Variants in CSMD1 observed in about 807,000 individuals in gnomAD.
CSMD1 encodes CUB and sushi domain-containing protein 1.
A neutral mutation model predicts 417.5 loss-of-function variants in CSMD1; 213 were observed. The observed-to-expected ratio is 0.51, with a 90% CI of 0.46 to 0.57. The LOEUF (loss-of-function observed/expected upper bound fraction) is 0.57, where lower values mean the gene tolerates loss of function less well. Ranked by LOEUF, CSMD1 falls within the 20% of genes least tolerant of loss-of-function variation. The pLI is 0.00. For synonymous variants in CSMD1, 2,862 were observed against 1,736.8 expected (o/e 1.65, Z -16.11); for missense variants, 6,923 against 4,529.7 (o/e 1.53, Z -15.17).
At chr8:4,293,041 G>C (rs1222683661) in intron 3 of CSMD1, among the ~76,000 whole-genome samples, 2 of 152,158 alleles carry the variant, frequency 1.3e-5, no homozygotes, top group African/African-American at 2.4e-5. Flanking sequence ...GGCTTGAGAA[G>C]GGGCTATTCC....
intron 26 of CSMD1, among the ~76,000 whole-genome samples, chr8:3,280,767 C>T (rs1035840378): frequency 8.5e-6 from 1 of 117,992 alleles, no homozygotes; most frequent in African/African-American, 3.3e-5. Context: ...TGTCTTCATG[C>T]TTATTTCTTA....
At chr8:4,294,053 G>C (rs1321703796) in intron 3 of CSMD1, among the ~76,000 whole-genome samples, 2 of 152,164 alleles carry the variant, frequency 1.3e-5, no homozygotes, top group Non-Finnish European at 2.9e-5. Flanking sequence ...TGGTTCTCAA[G>C]TGACTATTGC....
chr8:4,794,037 T>G (rs1036646817), intron 1 of CSMD1, among the ~76,000 whole-genome samples: 4 of 152,180 alleles, frequency 2.6e-5, no homozygotes, highest in Non-Finnish European at 4.4e-5. Flanking sequence ...ACTATCTTAG[T>G]GCTCTTGAAA....
intron 7 of CSMD1, among the ~76,000 whole-genome samples, chr8:3,690,701 C>A (rs752833834): frequency 6.6e-6 from 1 of 152,030 alleles, no homozygotes; most frequent in Non-Finnish European, 1.5e-5. Context: ...GTACATAAAG[C>A]GCATAGCTGA....
At chr8:3,655,439 A>G (rs1402893889) in intron 7 of CSMD1, among the ~76,000 whole-genome samples, 1 of 152,208 alleles carries the variant, frequency 6.6e-6, no homozygotes, top group Non-Finnish European at 1.5e-5. Flanking sequence ...TTTATAGCAT[A>G]TTTCATTACT....
chr8:3,710,789 G>C (rs953225518), intron 6 of CSMD1, among the ~76,000 whole-genome samples: 18 of 152,130 alleles, frequency 1.2e-4, no homozygotes, highest in African/African-American at 3.6e-4. Context: ...CTCATATCAG[G>C]AAGCAAGGCT....
intron 5 of CSMD1, among the ~76,000 whole-genome samples, chr8:3,818,297 G>C (rs940744739): frequency 1.3e-5 from 2 of 152,112 alleles, no homozygotes; most frequent in African/African-American, 4.8e-5. Context: ...GGGTGTAGTG[G>C]GAGAGAAGAA....
chr8:3,065,528 A>C (rs1284161234), intron 49 of CSMD1, among the ~76,000 whole-genome samples: 1 of 152,180 alleles, frequency 6.6e-6, no homozygotes, highest in African/African-American at 2.4e-5. Context: ...AGGAAGATGG[A>C]TACACAGATG....
intron 37 of CSMD1, among the ~76,000 whole-genome samples, chr8:3,163,785 C>T (rs1162506334): frequency 1.3e-5 from 2 of 152,150 alleles, no homozygotes; most frequent in Non-Finnish European, 2.9e-5. Context: ...TGGGTCATCC[C>T]TGCATGGCTG....
At chr8:3,943,484 C>G (rs1276201116) in intron 5 of CSMD1, among the ~76,000 whole-genome samples, 1 of 143,986 alleles carries the variant, frequency 6.9e-6, no homozygotes, top group South Asian at 2.2e-4. Flanking sequence ...TCAGTGGGTG[C>G]TGAAATTAGT....
At chr8:4,070,502 CG>C (rs1192818610) in intron 3 of CSMD1, among the ~76,000 whole-genome samples, 1 of 152,026 alleles carries the variant, frequency 6.6e-6, no homozygotes, top group Non-Finnish European at 1.5e-5. Flanking sequence ...GGACTACAGG[CG>C]CCCGCCACCA....
chr8:4,739,005 G>A (rs1186061712), intron 1 of CSMD1, among the ~76,000 whole-genome samples: 6 of 151,794 alleles, frequency 4.0e-5, no homozygotes, highest in South Asian at 2.1e-4. Flanking sequence ...AGTCTTCCAT[G>A]CTAAAACAAG....
rs77115665 is a variant in CSMD1 at position 4,145,470 on chromosome 8, A to G, written c.416-113371T>C. Among the ~76,000 whole-genome samples the G allele has an allele frequency of 5.6e-4, 85 of 151,322 alleles. 1 individual carries two copies. In the East Asian group the frequency reaches 0.014, roughly 24 times the overall value. On this transcript the variant is annotated intron_variant, in intron 3 of 69. Coordinates refer to ENST00000635120, the MANE Select transcript of CSMD1 (RefSeq NM_033225.6). ...CTATATATTTTTTGTATTGAAATAT[A>G]TACGGTAAACTAGACGGCATGTGAG...
chr8:4,140,226 T>C (rs1411180938), intron 3 of CSMD1, among the ~76,000 whole-genome samples: 1 of 141,450 alleles, frequency 7.1e-6, no homozygotes, highest in Non-Finnish European at 1.6e-5. Context: ...CATCTGGATA[T>C]GAAGGCTCAG....
intron 5 of CSMD1, among the ~76,000 whole-genome samples, chr8:3,817,955 T>C (rs1801484799): frequency 6.6e-6 from 1 of 152,200 alleles, no homozygotes; most frequent in African/African-American, 2.4e-5. Context: ...GTGGATTCTT[T>C]TGGTATCTTT....
intron 5 of CSMD1, among the ~76,000 whole-genome samples, chr8:3,919,811 A>G (rs1809103763): frequency 6.6e-6 from 1 of 152,010 alleles, no homozygotes; most frequent in East Asian, 1.9e-4. Flanking sequence ...TTTCTTCATA[A>G]ATATTGTATA....
At chr8:4,955,173 C>T (rs1237720262) in intron 1 of CSMD1, among the ~76,000 whole-genome samples, 3 of 152,088 alleles carry the variant, frequency 2.0e-5, no homozygotes, top group Non-Finnish European at 4.4e-5. Context: ...GAGTGCAGAC[C>T]TACGGGGCTG....
intron 3 of CSMD1, among the ~76,000 whole-genome samples, chr8:4,152,486 T>C (rs1048259364): frequency 1.0e-4 from 15 of 149,132 alleles, no homozygotes; most frequent in African/African-American, 3.7e-4. Context: ...CCAAGGAGTA[T>C]GGAAAACACT....
chr8:3,310,929 C>G (rs374501099), intron 23 of CSMD1, among the ~76,000 whole-genome samples: 8 of 152,162 alleles, frequency 5.3e-5, no homozygotes, highest in African/African-American at 1.4e-4. Context: ...GCACGTAATG[C>G]TTCTAAACTG....
Sources: gnomAD v4.1 joint callset for allele counts (sites outside exome capture counted in the v4.1 genomes callset) on GRCh38, gnomAD v4.1.1 for gene constraint, MANE v1.5 for transcripts, NCBI Gene and HGNC (gene_info 2026-07-23, HGNC 2026-07-21) for gene names.